ARID3A: variants seen among roughly 807,000 people sequenced by gnomAD.
The protein encoded by ARID3A is AT-rich interactive domain-containing protein 3A.
A neutral mutation model predicts 52.7 loss-of-function variants in ARID3A; 11 were observed. The ratio of observed to expected loss-of-function variants is 0.21; its 90% CI spans 0.13 to 0.35. The LOEUF is 0.35. ARID3A is among the 10% of genes least tolerant of loss of function. The pLI is 1.00. For synonymous variants in ARID3A, 404 were observed against 359.4 expected, an observed-to-expected ratio of 1.12 and a Z score of -1.40; for missense variants, 721 against 838.5, an observed-to-expected ratio of 0.86 and a Z score of 1.73.
chr19:932,581 C>A lies in ARID3A; in HGVS notation c.532C>A (p.Gln178Lys). 1 of 1,506,364 alleles carries A rather than the reference C, an allele frequency of 6.6e-7. No homozygotes were observed. The highest frequency in any genetic ancestry group is 1.3e-5 in the South Asian group (1 of 78,458). 93.3% of individuals were successfully genotyped at this position (1,506,364 alleles called of 1,614,324 possible). ...CACGGCACTGTTCCCCCGAAAGGCC[C>A]AGCCACCCCAGGCCTTCCGCGGCGA... ...GTTALFPRKA[Q>K]PPQAFRGDGV... Residue 178 changes from glutamine to lysine, a missense_variant, in exon 3 of 9, where the codon CAG becomes AAG. By Grantham distance (53) the Gln-to-Lys change is moderately conservative. Transcript: ENST00000263620.
At position 929,723 on chromosome 19, in the gene ARID3A, G is replaced by A; in HGVS notation, c.195G>A (p.Met65Ile). The A allele has an allele frequency of 1.3e-6, 2 of 1,561,356 alleles. No individual in the cohort carries two copies. The highest frequency in any genetic ancestry group is 1.2e-5 in the South Asian group (1 of 86,188). ...CTCAGATGGCCGCACTGGCAGCCATGCGGGCTGCAGCTGCGGGCCTGGGAC... is the reference window on the plus strand; with the variant it reads ...CTCAGATGGCCGCACTGGCAGCCATACGGGCTGCAGCTGCGGGCCTGGGAC... ...QRAQMAALAA[M>I]RAAAAGLGHP... The change falls in exon 2 of 9, where the codon ATG becomes ATA. Residue 65 changes from methionine to isoleucine, a missense_variant. Coordinates refer to ENST00000263620, the MANE Select transcript of ARID3A (RefSeq NM_005224.3). This position sits in a 1 kb window ranked among gnomAD's most constrained non-coding sequence, Gnocchi z 6.2.
rs1041066935 is a variant in ARID3A, at chr19:946,225, G to GT, written c.693+13491dup. ...CTGGGTATTTCATTTTTATTTTTTTGTTTTTTTTACTTTTACTTTTTCCTT... is the reference window on the plus strand; with the variant it reads ...CTGGGTATTTCATTTTTATTTTTTTGTTTTTTTTTACTTTTACTTTTTCCTT... On this transcript the variant is annotated intron_variant, in intron 3 of 8. Coordinates refer to ENST00000263620, the MANE Select transcript of ARID3A (RefSeq NM_005224.3). Among the ~76,000 whole-genome samples the GT allele has an allele frequency of 4.2e-3, 644 of 151,618 alleles. 6 individuals are homozygous for GT. The highest frequency in any genetic ancestry group is 0.015 in the African/African-American group (619 of 41,326).
intron 2 of ARID3A, among the ~76,000 whole-genome samples, chr19:932,163 T>A (rs1300025775): frequency 6.6e-6 from 1 of 152,136 alleles, no homozygotes; most frequent in African/African-American, 2.4e-5. Flanking sequence ...CGTGGCTGCC[T>A]GCGTGATGCT....
At chr19:936,592 C>T (rs2037443661) in intron 3 of ARID3A, among the ~76,000 whole-genome samples, 1 of 152,116 alleles carries the variant, frequency 6.6e-6, no homozygotes, top group South Asian at 2.1e-4. Context: ...TCTGCAATCC[C>T]AGCACTTTGG....
intron 3 of ARID3A, among the ~76,000 whole-genome samples, chr19:948,637 T>C (rs2037736736): frequency 6.6e-6 from 1 of 151,792 alleles, no homozygotes; most frequent in Non-Finnish European, 1.5e-5. Flanking sequence ...CTGCCTCATC[T>C]GTCCAGCTGT....
chr19:963,197 G>A (rs569923199), intron 4 of ARID3A, among the ~76,000 whole-genome samples: 24 of 152,268 alleles, frequency 1.6e-4, no homozygotes, highest in Admixed American at 6.5e-4. Flanking sequence ...CGATGTCCAC[G>A]TCCCCATCCC....
At position 947,447 on chromosome 19, in the gene ARID3A, C is replaced by T. The variant is rs2037710265; in HGVS notation, c.694-12645C>T. 6.6e-6 allele frequency among the ~76,000 whole-genome samples: 1 copy of T among 152,200 alleles called. No homozygotes were observed. Among genetic ancestry groups the T allele is most frequent in the African/African-American group, 2.4e-5 (1 of 41,452 alleles). On this transcript the variant is annotated intron_variant, in intron 3 of 8. Transcript: ENST00000263620. The surrounding 1 kb of genome is among the most constrained non-coding windows in gnomAD (Gnocchi z 6.3). ...GTCGCTGCCGTCCTGGACTCGTGGG[C>T]CTCAGTTTCCCCAACTGTGAAACGG...
rs995523113 is a variant in ARID3A, at chr19:973,572, C to G, written c.*1507C>G. The G allele has an allele frequency of 8.9e-6, 2 of 224,938 alleles. No individual in the cohort carries two copies. Among genetic ancestry groups the G allele is most frequent in the East Asian group, 6.4e-5 (1 of 15,742 alleles). The allele number at this position is 224,938 out of a possible 1,614,324, so 13.9% of individuals were successfully genotyped here. A position where few individuals can be genotyped will look rare whatever the true frequency, so the allele number is the denominator to read the frequency against. On this transcript the variant is annotated 3_prime_UTR_variant, in exon 9 of 9. Coordinates refer to ENST00000263620, the MANE Select transcript of ARID3A (RefSeq NM_005224.3). Reference sequence around the variant, plus strand: ...CGAAAGGGCTGCTTTTGAGGACTATCAATACTGGGGAGTGGGGGTGAAGCC... The same window carrying G: ...CGAAAGGGCTGCTTTTGAGGACTATGAATACTGGGGAGTGGGGGTGAAGCC...
At chr19:936,327 C>G (rs1349414798) in intron 3 of ARID3A, among the ~76,000 whole-genome samples, 1 of 151,306 alleles carries the variant, frequency 6.6e-6, no homozygotes, top group Non-Finnish European at 1.5e-5. Context: ...CCGAGATGGG[C>G]AGATAGCCTG....
rs1403294528 is a variant in ARID3A at position 938,761 on chromosome 19, C to T, written c.693+6019C>T. On this transcript the variant is annotated intron_variant, in intron 3 of 8. Coordinates refer to ENST00000263620, the MANE Select transcript of ARID3A (RefSeq NM_005224.3). This position sits in a 1 kb window ranked among gnomAD's most constrained non-coding sequence, Gnocchi z 4.0. ...GCCAGACACACCTCGCTGGGCCCAG[C>T]CCCAGAGACCGCTGGGTCCTCACCA... Among the ~76,000 whole-genome samples, 2 of 152,218 alleles carry T rather than the reference C, an allele frequency of 1.3e-5. No individual in the cohort carries two copies. The highest frequency in any genetic ancestry group is 2.1e-4 in the South Asian group (1 of 4,814).
chr19:973,134 G>GTTTT lies in ARID3A; in HGVS notation c.*1070_*1073dup, dbSNP rs2038317534. 3 of 9,878 alleles carry GTTTT rather than the reference G, an allele frequency of 3.0e-4. No homozygotes were observed. The highest frequency in any genetic ancestry group is 1.4e-3 in the East Asian group (1 of 720). 0.6% of individuals were successfully genotyped at this position (9,878 alleles called of 1,614,324 possible). A position where few individuals can be genotyped will look rare whatever the true frequency, so the allele number is the denominator to read the frequency against. On this transcript the variant is annotated 3_prime_UTR_variant, in exon 9 of 9. Transcript: ENST00000263620. ...TTTTTTTTTTTTTTTTTGAGACGGA[G>GTTTT]TTTTGCTCTTGTCGCCCAGGCTGGA... is the stretch of plus-strand genomic sequence containing the variant.
chr19:937,863 C>A (rs561033316), intron 3 of ARID3A, among the ~76,000 whole-genome samples: 1 of 151,880 alleles, frequency 6.6e-6, no homozygotes, highest in Non-Finnish European at 1.5e-5. Flanking sequence ...CCTGCCACCA[C>A]GCCCAGCTAA....
At position 954,262 on chromosome 19, in the gene ARID3A, G is replaced by A. The variant is rs551325539; in HGVS notation, c.694-5830G>A. ...ACCTGGAGGTGGCTTGGCTCCACGC[G>A]CTCTGTGCCTCGGTTTCCCCTTCTC... On this transcript the variant is annotated intron_variant, in intron 3 of 8. Coordinates refer to ENST00000263620, the MANE Select transcript of ARID3A (RefSeq NM_005224.3). Among the ~76,000 whole-genome samples the A allele has an allele frequency of 3.8e-4, 58 of 152,330 alleles. No homozygotes were observed. In the East Asian group the frequency reaches 9.1e-3, roughly 24 times the overall value.
intron 1 of ARID3A, among the ~76,000 whole-genome samples, chr19:926,995 C>T (rs1019545146): frequency 4.6e-5 from 7 of 151,880 alleles, no homozygotes; most frequent in African/African-American, 7.3e-5. Flanking sequence ...TCCTCCAGGC[C>T]CCCCCAACCC....
intron 1 of ARID3A, among the ~76,000 whole-genome samples, chr19:926,513 T>C (rs972437272): frequency 6.6e-6 from 1 of 151,628 alleles, no homozygotes; most frequent in South Asian, 2.1e-4. Context: ...ACCCCGATAT[T>C]TTATTTCATT....
Position 959,118 on chromosome 19 carries a change from A to G in ARID3A, c.694-974A>G, listed in dbSNP as rs2037986261. Among the ~76,000 whole-genome samples the G allele has an allele frequency of 1.3e-5, 2 of 152,186 alleles. No individual in the cohort carries two copies. The highest frequency in any genetic ancestry group is 4.1e-4 in the South Asian group (2 of 4,832). On this transcript the variant is annotated intron_variant, in intron 3 of 8. Coordinates refer to ENST00000263620, the MANE Select transcript of ARID3A (RefSeq NM_005224.3). The surrounding 1 kb of genome is among the most constrained non-coding windows in gnomAD (Gnocchi z 5.0). The stretch of plus-strand genomic sequence containing the variant: ...TGTTCACACTGACGAAATCACCAAC[A>G]GACATTTATCAGGACGCATCCTGCA...
Position 929,410 on chromosome 19 carries a change from C to T in ARID3A, c.-119C>T, listed in dbSNP as rs999145575. 65 of 1,130,884 alleles carry T rather than the reference C, an allele frequency of 5.7e-5. 1 individual carries two copies. The highest frequency in any genetic ancestry group is 3.4e-4 in the African/African-American group (20 of 59,018). The allele number at this position is 1,130,884 out of a possible 1,614,324, so 70.1% of individuals were successfully genotyped here. A position where few individuals can be genotyped will look rare whatever the true frequency, so the allele number is the denominator to read the frequency against. ...ACCCTGCACTGCCCCGGCTCCCCCG[C>T]GGCCCCCACGCTGCAGTGCGGCCGG... On this transcript the variant is annotated 5_prime_UTR_variant, in exon 2 of 9. Transcript: ENST00000263620. The surrounding 1 kb of genome is among the most constrained non-coding windows in gnomAD (Gnocchi z 6.2).
rs896001703 is a variant in ARID3A, at chr19:944,426, G to A, written c.693+11684G>A. Reference sequence around the variant, plus strand: ...AGTGTCGGTGGGGGCGGTCCCACACGGCCATGGTTTGTGTCTGCCACGGCC... The same window carrying A: ...AGTGTCGGTGGGGGCGGTCCCACACAGCCATGGTTTGTGTCTGCCACGGCC... On this transcript the variant is annotated intron_variant, in intron 3 of 8. Coordinates refer to ENST00000263620, the MANE Select transcript of ARID3A (RefSeq NM_005224.3). This position sits in a 1 kb window ranked among gnomAD's most constrained non-coding sequence, Gnocchi z 5.9. Among the ~76,000 whole-genome samples the A allele has an allele frequency of 8.6e-5, 13 of 152,006 alleles. No homozygotes were observed. The highest frequency in any genetic ancestry group is 2.7e-4 in the African/African-American group (11 of 41,358).
At chr19:936,638 C>T (rs906139197) in intron 3 of ARID3A, among the ~76,000 whole-genome samples, 3 of 150,376 alleles carry the variant, frequency 2.0e-5, no homozygotes, top group Non-Finnish European at 3.0e-5. Context: ...GTCAGGAGAT[C>T]GAGACCATCC....
Sources: allele counts gnomAD v4.1 joint callset (sites outside exome capture counted in the v4.1 genomes callset), GRCh38; gene constraint gnomAD v4.1.1; non-coding constraint Gnocchi (gnomAD v3.1); transcripts MANE v1.5; gene names NCBI Gene and HGNC (gene_info 2026-07-23, HGNC 2026-07-21).